The following SHPRH variants were observed in gnomAD, a reference collection of about 807,000 sequenced individuals.
SHPRH encodes the protein SNF2 histone linker PHD RING helicase, also known as E3 ubiquitin-protein ligase SHPRH.
In SHPRH, 106 loss-of-function variants were observed where a neutral mutation model predicts 202.5. The ratio of observed to expected loss-of-function variants is 0.52; its 90% confidence interval spans 0.45 to 0.62. SHPRH has a LOEUF of 0.62. Among genes scored for constraint, SHPRH ranks in the 20% least tolerant of loss-of-function variants. The probability of loss-of-function intolerance (pLI) is 0.00; values close to 1 mark genes in which losing one functional copy is unlikely to be tolerated. For synonymous variants in SHPRH, 729 were observed against 686.0 expected (o/e 1.06, Z -0.98); for missense variants, 1,710 against 2,020.0 (o/e 0.85, Z 2.94).
chr6:145,912,615 T>C (rs1222079328), intron 24 of SHPRH, among the ~76,000 whole-genome samples: 3 of 152,162 alleles, frequency 2.0e-5, no homozygotes, highest in East Asian at 1.9e-4. Context: ...GTTTCCAATG[T>C]AGTATCTCTC....
intron 25 of SHPRH, among the ~76,000 whole-genome samples, chr6:145,900,210 A>C (rs1157761693): frequency 2.6e-5 from 4 of 152,162 alleles, no homozygotes; most frequent in Non-Finnish European, 5.9e-5. Flanking sequence ...ATCTCAAGTT[A>C]ATTTCAGCAT....
intron 2 of SHPRH, among the ~76,000 whole-genome samples, chr6:145,867,044 C>G (rs925989317): frequency 1.3e-5 from 2 of 152,172 alleles, no homozygotes; most frequent in African/African-American, 4.8e-5. Context: ...AAAAACACTT[C>G]AGTTCCAGCA....
intron 28 of SHPRH, among the ~76,000 whole-genome samples, chr6:145,891,330 T>C (rs184151207): frequency 1.6e-4 from 24 of 152,312 alleles, no homozygotes; most frequent in African/African-American, 5.8e-4. Context: ...TTTCACAAGA[T>C]AGCTGCATGA....
intron 1 of SHPRH, among the ~76,000 whole-genome samples, chr6:145,960,390 G>A (rs1241256706): frequency 6.6e-6 from 1 of 152,140 alleles, no homozygotes; most frequent in African/African-American, 2.4e-5. Flanking sequence ...GCATGGATAT[G>A]GGGGGTGGAA....
intron 7 of SHPRH, among the ~76,000 whole-genome samples, chr6:145,945,940 T>G (rs1787328522): frequency 6.6e-6 from 1 of 152,066 alleles, no homozygotes; most frequent in Non-Finnish European, 1.5e-5. Flanking sequence ...ACGCTACCAT[T>G]AGTATGCGAA....
At chr6:145,905,349 G>A (rs960431860) in intron 25 of SHPRH, 6 of 152,116 alleles carry the variant, frequency 3.9e-5, no homozygotes, top group Non-Finnish European at 8.8e-5. Context: ...GTGCAGGCAG[G>A]ATAAAGAATA....
rs531787867 is a variant in SHPRH, at chr6:145,888,226, G to T, written c.4875-126C>A. On this transcript the variant is annotated intron_variant, in intron 28 of 29. Coordinates refer to ENST00000275233, the MANE Select transcript of SHPRH (RefSeq NM_001042683.3). The stretch of plus-strand genomic sequence containing the variant: ...CCCACTTGTGGCAGGTGCTGGGAGG[G>T]GTTCAGCAGCGAATAAAATGAACTA... 81 of 601,562 alleles carry T rather than the reference G, an allele frequency of 1.3e-4. No individual in the cohort carries two copies. The Middle Eastern group carries it at 4.0e-3, about 30-fold the overall frequency. The allele number at this position is 601,562 out of a possible 1,614,324, so 37.3% of individuals were successfully genotyped here.
chr6:145,880,897 AAACTT>A (rs1473921383), downstream of SHPRH, among the ~76,000 whole-genome samples: 2 of 152,154 alleles, frequency 1.3e-5, no homozygotes, highest in Non-Finnish European at 2.9e-5. Flanking sequence ...CGAGTGATAA[AAACTT>A]AACTAGAATA....
At chr6:145,861,080 C>G (rs1779564251), downstream of SHPRH, among the ~76,000 whole-genome samples, 1 of 151,952 alleles carries the variant, frequency 6.6e-6, no homozygotes, top group African/African-American at 2.4e-5. Context: ...GCAATGATTT[C>G]TGGGATATCA....
chr6:145,937,953 C>A (rs183420612), intron 11 of SHPRH, among the ~76,000 whole-genome samples: 1 of 152,074 alleles, frequency 6.6e-6, no homozygotes, highest in East Asian at 1.9e-4. Context: ...TGAAAGTTAT[C>A]TCAATTGCAA....
At position 145,933,186 on chromosome 6, in the gene SHPRH, A is replaced by G. The variant is rs1785655735; in HGVS notation, c.2991-8T>C. 19 of 1,613,828 alleles carry G rather than the reference A, an allele frequency of 1.2e-5. No homozygotes were observed. The highest frequency in any genetic ancestry group is 3.3e-4 in the Middle Eastern group (2 of 6,052). On this transcript the variant is annotated splice_region_variant and splice_polypyrimidine_tract_variant and intron_variant, in intron 13 of 29. Coordinates refer to ENST00000275233, the MANE Select transcript of SHPRH (RefSeq NM_001042683.3). ...TCTTCCATTGTCATGGTGCTAAAAG[A>G]AAAGGTAGACTGTTCAAAACTAGAA...
At chr6:145,867,631 T>TATATATATATAGAG (rs1554220329) in intron 2 of SHPRH, among the ~76,000 whole-genome samples, 13 of 22,312 alleles carry the variant, frequency 5.8e-4, no homozygotes, top group Non-Finnish European at 7.5e-4. Flanking sequence ...TATATATATA[T>TATATATATATAGAG]AGAGAGAGAG....
At chr6:145,875,082 C>A (rs967621354) in intron 2 of SHPRH, among the ~76,000 whole-genome samples, 1 of 152,082 alleles carries the variant, frequency 6.6e-6, no homozygotes, top group Non-Finnish European at 1.5e-5. Flanking sequence ...AGATGCTCAA[C>A]CAGTAAGCAC....
chr6:145,868,691 T>C (rs1256330518), intron 2 of SHPRH, among the ~76,000 whole-genome samples: 1 of 152,176 alleles, frequency 6.6e-6, no homozygotes, highest in Non-Finnish European at 1.5e-5. Context: ...TCTAGTCTTT[T>C]GCTTAGTATA....
At chr6:145,939,350 T>C (rs1163972126) in intron 11 of SHPRH, among the ~76,000 whole-genome samples, 2 of 152,190 alleles carry the variant, frequency 1.3e-5, no homozygotes, top group Non-Finnish European at 2.9e-5. Flanking sequence ...TCAAATGTGG[T>C]ATTTTAAACA....
rs55829530 is a variant in SHPRH at position 145,894,420 on chromosome 6, G to GTTT, written c.4609-187_4609-185dup. Among the ~76,000 whole-genome samples the GTTT allele has an allele frequency of 1.9e-3, 271 of 140,322 alleles. 1 individual carries two copies. The highest frequency in any genetic ancestry group is 6.4e-3 in the African/African-American group (247 of 38,792). 92.1% of individuals were successfully genotyped at this position (140,322 alleles called of 152,430 possible). ...TCTATCTGAAATAGTAATTTTGTTT[G>GTTT]TTTTTTTTTTTTTGCATCAAATGCT... On this transcript the variant is annotated intron_variant, in intron 26 of 29. Transcript: ENST00000275233.
intron 16 of SHPRH, among the ~76,000 whole-genome samples, chr6:145,925,341 T>TAC (rs10631165): frequency 0.092 from 13,426 of 145,272 alleles, 687 homozygotes; most frequent in Non-Finnish European, 0.12. Context: ...ATGTTCTCAC[T>TAC]ACACACACAC....
At chr6:145,948,617 G>A (rs1664461420) in intron 4 of SHPRH, among the ~76,000 whole-genome samples, 1 of 152,036 alleles carries the variant, frequency 6.6e-6, no homozygotes, top group Admixed American at 6.6e-5. Flanking sequence ...GATAAGCAAA[G>A]TGTGGCAGAT....
chr6:145,893,144 A>C, intron 28 of SHPRH, 71 bp downstream of exon 28: 2 of 1,320,488 alleles, frequency 1.5e-6, no homozygotes, highest in Non-Finnish European at 2.0e-6. Context: ...ACATAAATGA[A>C]GAGTTTAAAT....
Sources: gnomAD v4.1 joint callset for allele counts (sites outside exome capture counted in the v4.1 genomes callset) on GRCh38, gnomAD v4.1.1 for gene constraint, MANE v1.5 for transcripts, NCBI Gene and HGNC (gene_info 2026-07-23, HGNC 2026-07-21) for gene names.